The following PRKCE variants were observed in gnomAD, a reference collection of about 807,000 sequenced individuals.
PRKCE encodes protein kinase C epsilon, also known as protein kinase C epsilon type.
PRKCE carries 16 observed loss-of-function variants against 85.4 expected under a neutral mutation model. The observed-to-expected ratio is 0.19, with a 90% confidence interval of 0.13 to 0.28. PRKCE has a LOEUF of 0.28. PRKCE is among the 10% of genes least tolerant of loss of function. The probability of loss-of-function intolerance (pLI) is 1.00; values close to 1 mark genes in which losing one functional copy is unlikely to be tolerated. For synonymous variants in PRKCE, 388 were observed against 371.5 expected (o/e 1.04, Z -0.51); for missense variants, 573 against 975.2 (o/e 0.59, Z 5.49).
chr2:45,919,030 G>C (rs147053822), intron 2 of PRKCE, among the ~76,000 whole-genome samples: 23 of 152,192 alleles, frequency 1.5e-4, no homozygotes, highest in African/African-American at 5.1e-4. Context: ...GAGGGTGTCA[G>C]AACAGTTAGG....
chr2:45,807,062 C>G (rs914600217), intron 1 of PRKCE, among the ~76,000 whole-genome samples: 1 of 152,194 alleles, frequency 6.6e-6, no homozygotes, highest in African/African-American at 2.4e-5. Context: ...GGATTCAGGG[C>G]TGGCACGGGC....
chr2:45,727,178 C>G, intron 1 of PRKCE, among the ~76,000 whole-genome samples: 1 of 152,170 alleles, frequency 6.6e-6, no homozygotes, highest in Non-Finnish European at 1.5e-5. Flanking sequence ...ATGATGCAGT[C>G]TTCTCCGGAG....
chr2:45,715,000 C>G (rs1679969369), intron 1 of PRKCE, among the ~76,000 whole-genome samples: 1 of 152,158 alleles, frequency 6.6e-6, no homozygotes, highest in Non-Finnish European at 1.5e-5. Context: ...CAGGTTCCTC[C>G]TTAGGATTTG....
intron 1 of PRKCE, among the ~76,000 whole-genome samples, chr2:45,669,782 G>A (rs1311602351): frequency 1.3e-5 from 2 of 152,160 alleles, no homozygotes; most frequent in African/African-American, 2.4e-5. Context: ...AGGCCAAGGT[G>A]GGCGTATCAC....
At chr2:45,664,638 G>C (rs1484108690) in intron 1 of PRKCE, among the ~76,000 whole-genome samples, 2 of 152,196 alleles carry the variant, frequency 1.3e-5, no homozygotes, top group Non-Finnish European at 2.9e-5. Context: ...ACAGCTCCTA[G>C]GGTGGGAGGT....
rs114041298 is a variant in PRKCE, at chr2:45,858,562, C to A, written c.412+15499C>A. Among the ~76,000 whole-genome samples, 1,403 of 152,224 alleles carry A rather than the reference C, an allele frequency of 9.2e-3. 21 individuals carry two copies. The highest frequency in any genetic ancestry group is 0.031 in the African/African-American group (1,305 of 41,530). The stretch of plus-strand genomic sequence containing the variant: ...CTTTAAAATAAGTGTATGGCCAGTG[C>A]CTTTCAGCCCCTGGGCACCCTTCAC... On this transcript the variant is annotated intron_variant, in intron 2 of 14. Transcript: ENST00000306156.
intron 1 of PRKCE, among the ~76,000 whole-genome samples, chr2:45,745,909 C>T (rs568953050): frequency 4.7e-4 from 71 of 152,314 alleles, no homozygotes; most frequent in African/African-American, 1.6e-3. Flanking sequence ...AAATGGATGG[C>T]CTAATAGGTC....
intron 10 of PRKCE, among the ~76,000 whole-genome samples, chr2:46,036,789 G>A (rs1707892668): frequency 6.6e-6 from 1 of 152,204 alleles, no homozygotes; most frequent in Non-Finnish European, 1.5e-5. Context: ...AGATGTTCCT[G>A]GTGGGAGAAA....
At chr2:45,795,326 G>C (rs999077114) in intron 1 of PRKCE, among the ~76,000 whole-genome samples, 4 of 151,892 alleles carry the variant, frequency 2.6e-5, no homozygotes, top group Non-Finnish European at 5.9e-5. Flanking sequence ...TATTTTTTTT[G>C]AGATGGAGTG....
Position 45,891,057 on chromosome 2 carries a change from G to A in PRKCE, c.412+47994G>A, listed in dbSNP as rs76530545. ...GAAGATGAGGGCTTTTAGGAAGGGCGTAGATATTGGGTTGGGTTTGATATT... is the reference window on the plus strand; with the variant it reads ...GAAGATGAGGGCTTTTAGGAAGGGCATAGATATTGGGTTGGGTTTGATATT... On this transcript the variant is annotated intron_variant, in intron 2 of 14. Transcript: ENST00000306156. 9.0e-3 allele frequency among the ~76,000 whole-genome samples: 1,368 copies of A among 152,284 alleles called. 22 individuals are homozygous for A. The highest frequency in any genetic ancestry group is 0.031 in the African/African-American group (1,271 of 41,552).
chr2:45,708,677 A>T (rs1268205883), intron 1 of PRKCE, among the ~76,000 whole-genome samples: 1 of 152,194 alleles, frequency 6.6e-6, no homozygotes, highest in African/African-American at 2.4e-5. Flanking sequence ...GTAGTGTGAA[A>T]ACGGACTAAT....
chr2:46,144,889 T>G (rs1675918124), intron 11 of PRKCE, among the ~76,000 whole-genome samples: 1 of 152,172 alleles, frequency 6.6e-6, no homozygotes, highest in Non-Finnish European at 1.5e-5. Context: ...AGTTCCTCCC[T>G]CTTGCTGAAG....
intron 6 of PRKCE, among the ~76,000 whole-genome samples, chr2:45,985,869 A>G (rs868215981): frequency 6.6e-6 from 1 of 152,238 alleles, no homozygotes; most frequent in Non-Finnish European, 1.5e-5. Flanking sequence ...CACCTGTTGG[A>G]CATTCTCACT....
intron 1 of PRKCE, among the ~76,000 whole-genome samples, chr2:45,779,217 G>T (rs1685989921): frequency 6.6e-6 from 1 of 152,208 alleles, no homozygotes. Flanking sequence ...GCGCTGTCCA[G>T]ACACAGTGGC....
chr2:46,002,109 A>G (rs533343744), intron 7 of PRKCE, among the ~76,000 whole-genome samples: 2 of 152,360 alleles, frequency 1.3e-5, no homozygotes, highest in East Asian at 1.9e-4. Flanking sequence ...TCTAAATATC[A>G]GTAAGAAGAG....
At chr2:45,775,703 C>G (rs1685695003) in intron 1 of PRKCE, among the ~76,000 whole-genome samples, 1 of 152,198 alleles carries the variant, frequency 6.6e-6, no homozygotes, top group Non-Finnish European at 1.5e-5. Context: ...GGCTTCCACC[C>G]TTGAGCTTCC....
intron 2 of PRKCE, among the ~76,000 whole-genome samples, chr2:45,861,315 A>G (rs1173167038): frequency 6.6e-6 from 1 of 152,210 alleles, no homozygotes; most frequent in African/African-American, 2.4e-5. Context: ...TTTTTCATGC[A>G]TGTAGTTTAT....
At chr2:45,844,597 T>C (rs1280455905) in intron 2 of PRKCE, among the ~76,000 whole-genome samples, 1 of 152,254 alleles carries the variant, frequency 6.6e-6, no homozygotes, top group African/African-American at 2.4e-5. Flanking sequence ...CTTAAGGTTT[T>C]GCAGTGTGGC....
chr2:46,142,396 A>G (rs79921608), intron 11 of PRKCE, among the ~76,000 whole-genome samples: 155 of 152,252 alleles, frequency 1.0e-3, no homozygotes, highest in African/African-American at 3.6e-3. Context: ...CCCACTCTTA[A>G]CTTTTTCTGT....
Sources: allele counts gnomAD v4.1 joint callset (sites outside exome capture counted in the v4.1 genomes callset), GRCh38; gene constraint gnomAD v4.1.1; transcripts MANE v1.5; gene names NCBI Gene and HGNC (gene_info 2026-07-23, HGNC 2026-07-21).